The following DPP10 variants were observed in gnomAD, a reference collection of about 807,000 sequenced individuals.
DPP10 encodes the protein inactive dipeptidyl peptidase 10.
Under a neutral mutation model 120.9 loss-of-function variants are expected in DPP10, and 33 were observed. The observed-to-expected ratio is 0.27, with a 90% confidence interval of 0.21 to 0.37. The LOEUF (loss-of-function observed/expected upper bound fraction) is 0.37, where lower values mean the gene tolerates loss of function less well. DPP10 is among the 10% of genes least tolerant of loss of function. The pLI is 1.00. For missense variants in DPP10, 816 were observed against 942.8 expected, an observed-to-expected ratio of 0.87 and a Z score of 1.76; for synonymous variants, 337 against 326.1, an observed-to-expected ratio of 1.03 and a Z score of -0.36.
intron 1 of DPP10, among the ~76,000 whole-genome samples, chr2:114,668,148 C>T (rs1698070588): frequency 6.6e-6 from 1 of 151,948 alleles, no homozygotes; most frequent in South Asian, 2.1e-4. Context: ...TCGCTGAGGC[C>T]AAGAAGTTTC....
intron 17 of DPP10, among the ~76,000 whole-genome samples, chr2:115,789,983 T>C (rs1198158611): frequency 6.6e-6 from 1 of 152,138 alleles, no homozygotes; most frequent in African/African-American, 2.4e-5. Context: ...TATATATCTG[T>C]ATACAATATG....
Position 114,924,558 on chromosome 2 carries a change from A to G in DPP10, c.61-384681A>G, listed in dbSNP as rs1357550170. Among the ~76,000 whole-genome samples the G allele has an allele frequency of 2.0e-5, 3 of 151,932 alleles. No homozygotes were observed. In the East Asian group the frequency reaches 5.8e-4, roughly 29 times the overall value. ...AAAAAGAAAGAGGAAAAAGAAGGAA[A>G]AAAAAGCCCTTAGGGGAACATAAGT... is the stretch of plus-strand genomic sequence containing the variant. On this transcript the variant is annotated intron_variant, in intron 1 of 25. Transcript: ENST00000410059.
chr2:115,724,981 A>T (rs1299371761), intron 7 of DPP10, among the ~76,000 whole-genome samples: 1 of 152,156 alleles, frequency 6.6e-6, no homozygotes. Context: ...TGAGGGATGC[A>T]TGCCCATGAC....
chr2:114,618,749 T>A (rs1156237809), intron 1 of DPP10, among the ~76,000 whole-genome samples: 1 of 152,088 alleles, frequency 6.6e-6, no homozygotes, highest in Non-Finnish European at 1.5e-5. Flanking sequence ...TTTGTTTTCT[T>A]GGAAGGGCAT....
intron 1 of DPP10, among the ~76,000 whole-genome samples, chr2:114,601,838 T>G (rs963129287): frequency 1.4e-4 from 22 of 151,908 alleles, no homozygotes; most frequent in African/African-American, 5.3e-4. Flanking sequence ...TAGTTGGGAG[T>G]GCCACTAATG....
chr2:115,157,421 T>C (rs966677903), intron 1 of DPP10, among the ~76,000 whole-genome samples: 3 of 152,274 alleles, frequency 2.0e-5, no homozygotes, highest in South Asian at 4.1e-4. Flanking sequence ...AAAGTCTTCC[T>C]GTCAAAGACA....
At chr2:114,955,912 T>C (rs1300353607) in intron 1 of DPP10, among the ~76,000 whole-genome samples, 2 of 152,034 alleles carry the variant, frequency 1.3e-5, no homozygotes, top group Non-Finnish European at 2.9e-5. Context: ...ATTAAAAAAC[T>C]CTCAACAAAT....
At position 115,559,939 on chromosome 2, in the gene DPP10, A is replaced by G. The variant is rs573305372; in HGVS notation, c.441+33967A>G. ...TCTACCAAGCTTCCATGGTTTTAGA[A>G]TCCTGATTTTACTCTAACTGTGGGT... On this transcript the variant is annotated intron_variant, in intron 5 of 25. Coordinates refer to ENST00000410059, the MANE Select transcript of DPP10 (RefSeq NM_020868.6). Among the ~76,000 whole-genome samples the G allele has an allele frequency of 1.1e-4, 17 of 152,176 alleles. No homozygotes were observed. The South Asian group carries it at 1.5e-3, about 13-fold the overall frequency.
At chr2:115,792,716 C>T (rs1022159682) in intron 19 of DPP10, among the ~76,000 whole-genome samples, 5 of 151,892 alleles carry the variant, frequency 3.3e-5, no homozygotes, top group Non-Finnish European at 5.9e-5. Context: ...GGCACTAAAA[C>T]GAGACAAAAA....
At position 114,566,290 on chromosome 2, in the gene DPP10, A is replaced by C. The variant is rs1689195431; in HGVS notation, c.60+123452A>C. ...ATTAACGACTGTGCCAGGATATTTT[A>C]CTACACAGTGAAAAACACTGTTTAA... On this transcript the variant is annotated intron_variant, in intron 1 of 25. Transcript: ENST00000410059. 1.3e-5 allele frequency among the ~76,000 whole-genome samples: 2 copies of C among 152,224 alleles called. 1 individual carries two copies. The highest frequency in any genetic ancestry group is 4.1e-4 in the South Asian group (2 of 4,836).
At chr2:115,633,238 A>C (rs2086035703) in intron 5 of DPP10, among the ~76,000 whole-genome samples, 2 of 152,244 alleles carry the variant, frequency 1.3e-5, no homozygotes, top group South Asian at 4.1e-4. Context: ...ACACCATGGA[A>C]TACTATGCAG....
chr2:115,118,788 TGTG>T (rs1227685107), intron 1 of DPP10, among the ~76,000 whole-genome samples: 1 of 131,516 alleles, frequency 7.6e-6, no homozygotes, highest in Non-Finnish European at 1.7e-5. Flanking sequence ...TGTGTGTGTG[TGTG>T]TTTAGTAGAG....
chr2:114,919,533 A>T lies in DPP10; in HGVS notation c.61-389706A>T, dbSNP rs1166730375. ...ATTATTTTTTAAATTTTTTTCATTA[A>T]TGAATCCATGTTGGTTATATAACGC... On this transcript the variant is annotated intron_variant, in intron 1 of 25. Transcript: ENST00000410059. Among the ~76,000 whole-genome samples, 3 of 152,226 alleles carry T rather than the reference A, an allele frequency of 2.0e-5. No homozygotes were observed. In the East Asian group the frequency reaches 5.8e-4, roughly 29 times the overall value.
chr2:114,722,382 A>G (rs1423251436), intron 1 of DPP10, among the ~76,000 whole-genome samples: 7 of 152,156 alleles, frequency 4.6e-5, no homozygotes, highest in Non-Finnish European at 8.8e-5. Context: ...TAGAGATGGA[A>G]AATATCATTC....
intron 1 of DPP10, among the ~76,000 whole-genome samples, chr2:114,578,989 C>T (rs79947312): frequency 0.016 from 2,431 of 152,248 alleles, 64 homozygotes; most frequent in African/African-American, 0.055. Context: ...TTTCGTCATA[C>T]TCTCTTTGCT....
intron 1 of DPP10, among the ~76,000 whole-genome samples, chr2:114,779,137 C>A (rs1370862267): frequency 6.6e-6 from 1 of 152,018 alleles, no homozygotes; most frequent in Non-Finnish European, 1.5e-5. Flanking sequence ...TGCAGTCAGG[C>A]CTTCTCATCA....
At chr2:115,361,530 C>T (rs1265685252) in intron 3 of DPP10, among the ~76,000 whole-genome samples, 1 of 152,044 alleles carries the variant, frequency 6.6e-6, no homozygotes, top group African/African-American at 2.4e-5. Context: ...TTCCTGCACC[C>T]CCTCATGCAA....
intron 3 of DPP10, among the ~76,000 whole-genome samples, chr2:115,357,964 T>C (rs943458176): frequency 1.1e-4 from 16 of 152,032 alleles, no homozygotes; most frequent in Non-Finnish European, 1.8e-4. Context: ...ACCGAGGCTA[T>C]ACACAGCAGG....
chr2:115,331,185 G>A lies in DPP10; in HGVS notation c.176-12632G>A, dbSNP rs191088827. Among the ~76,000 whole-genome samples the A allele has an allele frequency of 6.2e-3, 938 of 152,196 alleles. 6 individuals are homozygous for A. Among genetic ancestry groups the A allele is most frequent in the Non-Finnish European group, 9.6e-3 (654 of 68,000 alleles). On this transcript the variant is annotated intron_variant, in intron 2 of 25. Transcript: ENST00000410059. ...TCCTAGGTATTTTATTCTCTTTGAA[G>A]CAATTGTGAATGGGAGTTCACTCAT...
Sources: allele counts gnomAD v4.1 joint callset (sites outside exome capture counted in the v4.1 genomes callset), GRCh38; gene constraint gnomAD v4.1.1; transcripts MANE v1.5; gene names NCBI Gene and HGNC (gene_info 2026-07-23, HGNC 2026-07-21).